Variants in ADAMTSL1 observed in about 807,000 individuals in gnomAD.
ADAMTSL1 encodes ADAMTS like 1.
In ADAMTSL1, 126 loss-of-function variants were observed where a neutral mutation model predicts 201.8. That is an observed-to-expected ratio of 0.62 (90% CI 0.54 to 0.72). The LOEUF is 0.72. Ranked by LOEUF, ADAMTSL1 falls within the 30% of genes least tolerant of loss-of-function variation. The probability of loss-of-function intolerance (pLI) is 0.00; values close to 1 mark genes in which losing one functional copy is unlikely to be tolerated. For missense variants in ADAMTSL1, 2,679 were observed against 2,277.8 expected (o/e 1.18, Z -3.59); for synonymous variants, 1,121 against 903.4 (o/e 1.24, Z -4.32).
At chr9:18,059,225 C>G (rs1822340112) in intron 1 of ADAMTSL1, among the ~76,000 whole-genome samples, 1 of 152,182 alleles carries the variant, frequency 6.6e-6, no homozygotes, top group South Asian at 2.1e-4. Flanking sequence ...GTTACTTTCA[C>G]TATCGGACTG....
intron 3 of ADAMTSL1, among the ~76,000 whole-genome samples, chr9:18,557,837 C>T (rs990186270): frequency 1.3e-5 from 2 of 152,012 alleles, no homozygotes; most frequent in Non-Finnish European, 2.9e-5. Flanking sequence ...CACCCTTTCT[C>T]ACTTGTCTTT....
chr9:18,441,502 T>C (rs1332464588), intron 2 of ADAMTSL1, among the ~76,000 whole-genome samples: 1 of 152,158 alleles, frequency 6.6e-6, no homozygotes. Context: ...TCAGATCCAG[T>C]GCTTTTTTTC....
At chr9:18,137,620 A>G (rs1239790695) in intron 1 of ADAMTSL1, among the ~76,000 whole-genome samples, 10 of 152,194 alleles carry the variant, frequency 6.6e-5, no homozygotes, top group Non-Finnish European at 1.5e-5. Context: ...ACTGGGATTT[A>G]TATAACGACT....
intron 2 of ADAMTSL1, among the ~76,000 whole-genome samples, chr9:18,448,714 A>G (rs1026150269): frequency 5.3e-5 from 8 of 152,204 alleles, no homozygotes; most frequent in African/African-American, 1.4e-4. Context: ...GACTCATGCT[A>G]TCATAACGTA....
chr9:18,411,567 A>G (rs970796198), intron 2 of ADAMTSL1, among the ~76,000 whole-genome samples: 1 of 152,216 alleles, frequency 6.6e-6, no homozygotes, highest in African/African-American at 2.4e-5. Context: ...ATTATAATAT[A>G]TGTATATAAT....
rs529352019 is a variant in ADAMTSL1, at chr9:18,560,309, T to A, written c.238-13721T>A. On this transcript the variant is annotated intron_variant, in intron 3 of 28. Coordinates refer to ENST00000380548, the MANE Select transcript of ADAMTSL1 (RefSeq NM_001040272.6). ...GGTTCTGTTTATGTGATGGATTACA[T>A]TTATTGATTTATATATGTTGAACCA... 5.3e-5 allele frequency among the ~76,000 whole-genome samples: 8 copies of A among 152,326 alleles called. No homozygotes were observed. The East Asian group carries it at 1.5e-3, about 29-fold the overall frequency.
At chr9:18,064,924 A>G (rs1854578) in intron 1 of ADAMTSL1, among the ~76,000 whole-genome samples, 83,387 of 146,704 alleles carry the variant, frequency 0.57, 24,042 homozygotes, top group African/African-American at 0.66. Context: ...GGTATTCAAA[A>G]ATTGATTCAG....
intron 19 of ADAMTSL1, among the ~76,000 whole-genome samples, chr9:18,782,519 G>A (rs1393554307): frequency 6.6e-6 from 1 of 152,156 alleles, no homozygotes; most frequent in Non-Finnish European, 1.5e-5. Context: ...TTTCCGCAAG[G>A]CTAAAGACTT....
chr9:18,412,767 AT>A (rs1774861162), intron 2 of ADAMTSL1, among the ~76,000 whole-genome samples: 1 of 152,122 alleles, frequency 6.6e-6, no homozygotes, highest in Non-Finnish European at 1.5e-5. Flanking sequence ...ACATAATTTC[AT>A]TCATGTTTAA....
intron 2 of ADAMTSL1, among the ~76,000 whole-genome samples, chr9:18,521,444 C>A: frequency 6.6e-6 from 1 of 150,472 alleles, no homozygotes; most frequent in South Asian, 2.1e-4. Flanking sequence ...TACTAGATAC[C>A]CACAAAAATT....
chr9:18,078,937 G>A (rs1823349079), intron 1 of ADAMTSL1, among the ~76,000 whole-genome samples: 1 of 152,186 alleles, frequency 6.6e-6, no homozygotes, highest in South Asian at 2.1e-4. Context: ...ATTCCAGGCA[G>A]CGACCTCTCC....
chr9:18,655,806 TAAAAAAAA>T lies in ADAMTSL1; in HGVS notation c.835-1809_835-1802del, dbSNP rs56662538. 1.8e-3 allele frequency among the ~76,000 whole-genome samples: 151 copies of T among 81,844 alleles called. 1 individual carries two copies. The highest frequency in any genetic ancestry group is 7.8e-3 in the African/African-American group (118 of 15,106). The allele number at this position is 81,844 out of a possible 152,430, so 53.7% of individuals were successfully genotyped here. A position where few individuals can be genotyped will look rare whatever the true frequency, so the allele number is the denominator to read the frequency against. On this transcript the variant is annotated intron_variant, in intron 7 of 28. Transcript: ENST00000380548. ...AGAGAGCTAGAGGCTTTTGTGAGCT[TAAAAAAAA>T]AAAAAAAAAAAAAAAAAAAAAAAGA...
intron 2 of ADAMTSL1, among the ~76,000 whole-genome samples, chr9:18,522,580 T>TCCCTCCC (rs1278452314): frequency 0.011 from 1,627 of 141,550 alleles, 32 homozygotes; most frequent in African/African-American, 0.039. Flanking sequence ...CCTAATGCTA[T>TCCCTCCC]CCCGCCCCCC....
intron 23 of ADAMTSL1, among the ~76,000 whole-genome samples, chr9:18,871,615 A>G (rs193039793): frequency 1.3e-5 from 2 of 152,314 alleles, no homozygotes; most frequent in Admixed American, 1.3e-4. Flanking sequence ...CTTTAAATGA[A>G]AGAAAATTAA....
At chr9:18,342,209 G>A (rs1563899001) in intron 2 of ADAMTSL1, among the ~76,000 whole-genome samples, 2 of 152,266 alleles carry the variant, frequency 1.3e-5, no homozygotes, top group South Asian at 4.1e-4. Flanking sequence ...CTCAGGCCCA[G>A]TGAAATTGCA....
chr9:18,656,126 T>G (rs894571339), intron 7 of ADAMTSL1, among the ~76,000 whole-genome samples: 4 of 151,996 alleles, frequency 2.6e-5, no homozygotes, highest in Non-Finnish European at 4.4e-5. Flanking sequence ...TGAGAAACAT[T>G]TCCATATTCC....
At chr9:18,879,507 G>A (rs1419342708) in intron 23 of ADAMTSL1, among the ~76,000 whole-genome samples, 2 of 152,116 alleles carry the variant, frequency 1.3e-5, no homozygotes, top group African/African-American at 4.8e-5. Context: ...AGCATATACT[G>A]CAATAAAGCG....
intron 4 of ADAMTSL1, among the ~76,000 whole-genome samples, chr9:18,587,306 G>A (rs570857974): frequency 1.7e-3 from 260 of 151,936 alleles, no homozygotes; most frequent in African/African-American, 6.0e-3. Flanking sequence ...GCATGAACAG[G>A]CACATTTCAA....
chr9:18,504,970 C>T lies in ADAMTSL1; in HGVS notation c.191+14C>T, dbSNP rs1198290718. The T allele has an allele frequency of 6.3e-7, 1 of 1,596,508 alleles. No homozygotes were observed. The highest frequency in any genetic ancestry group is 1.1e-5 in the South Asian group (1 of 89,184). On this transcript the variant is annotated intron_variant, in intron 2 of 28. Transcript: ENST00000380548. The stretch of plus-strand genomic sequence containing the variant: ...CCTGAGCAGCAAGTAAGTCCTGCAC[C>T]CGTTGGGGGTCTTTGTGAGAACCAG...
Sources: gnomAD v4.1 joint callset for allele counts (sites outside exome capture counted in the v4.1 genomes callset) on GRCh38, gnomAD v4.1.1 for gene constraint, MANE v1.5 for transcripts, NCBI Gene and HGNC (gene_info 2026-07-23, HGNC 2026-07-21) for gene names.